Variants in DYSF observed in about 807,000 individuals in gnomAD.
DYSF encodes the protein dystrophy-associated fer-1-like 1.
Under a neutral mutation model 274.9 loss-of-function variants are expected in DYSF, and 212 were observed. The ratio of observed to expected loss-of-function variants is 0.77; its 90% CI spans 0.69 to 0.86. The LOEUF is 0.86. Among genes scored for constraint, DYSF ranks in the 40% least tolerant of loss-of-function variants. The pLI is 0.00. For synonymous variants in DYSF, 1,091 were observed against 1,078.7 expected, an observed-to-expected ratio of 1.01 and a Z score of -0.22; for missense variants, 2,666 against 2,783.2, an observed-to-expected ratio of 0.96 and a Z score of 0.95.
intron 51 of DYSF, among the ~76,000 whole-genome samples, chr2:71,670,011 G>A (rs1046049506): frequency 6.6e-6 from 1 of 152,130 alleles, no homozygotes; most frequent in African/African-American, 2.4e-5. Flanking sequence ...CACTACTGGT[G>A]TTATCACAAC....
intron 11 of DYSF, among the ~76,000 whole-genome samples, chr2:71,520,442 C>T (rs1247882206): frequency 6.6e-6 from 1 of 152,154 alleles, no homozygotes; most frequent in Non-Finnish European, 1.5e-5. Flanking sequence ...CTGAAAGGCC[C>T]CATTACTGGA....
At chr2:71,542,452 T>C (rs932731697) in intron 17 of DYSF, among the ~76,000 whole-genome samples, 2 of 151,522 alleles carry the variant, frequency 1.3e-5, no homozygotes, top group African/African-American at 4.9e-5. Context: ...AGGACAATAG[T>C]AGAGGGAAGG....
intron 20 of DYSF, 127 bp from the exon 21 acceptor site, chr2:71,553,680 C>T (rs1416118818): frequency 2.1e-5 from 25 of 1,218,308 alleles, no homozygotes; most frequent in Middle Eastern, 2.7e-4. Flanking sequence ...CTCTGTCCCA[C>T]GTGTGGTCCC....
chr2:71,664,410 C>T lies in DYSF; in HGVS notation c.5146C>T (p.Arg1716Cys), dbSNP rs771735871. Residue 1716 changes from arginine (R) to cysteine (C), a missense_variant, in exon 46 of 56, where the codon CGC (arginine) becomes TGC (cysteine). Physicochemically the swap from Arg to Cys is radical, Grantham distance 180 (BLOSUM62 -3). This residue lies in a region of DYSF where 1,460 missense variants were observed against 1,502.1 expected (regional missense o/e 0.97). Transcript: ENST00000410020. ...ENRLLSKFGA[R>C]CGLPQTYCVS... is the part of the protein sequence containing the mutation. ...CAGGCTGCTGTCCAAGTTTGGGGCT[C>T]GCTGTGGACTCCCACAGACCTACTG... 25 of 1,614,026 alleles carry T rather than the reference C, an allele frequency of 1.5e-5. No homozygotes were observed. Among genetic ancestry groups the T allele is most frequent in the South Asian group, 6.6e-5 (6 of 91,076 alleles).
rs192969907 is a variant in DYSF, at chr2:71,635,476, G to A, written c.4528-8489G>A. Among the ~76,000 whole-genome samples, 417 of 152,244 alleles carry A rather than the reference G, an allele frequency of 2.7e-3. 2 individuals are homozygous for A. The highest frequency in any genetic ancestry group is 0.02 in the Middle Eastern group (6 of 294). ...ACAAAAGATAAAGGGGGCTGGGTGC[G>A]GTGGCTCACGCCTGCAATCCCAGCA... is the stretch of plus-strand genomic sequence containing the variant. On this transcript the variant is annotated intron_variant, in intron 41 of 55. Coordinates refer to ENST00000410020, the MANE Select transcript of DYSF (RefSeq NM_001130987.2).
intron 17 of DYSF, among the ~76,000 whole-genome samples, chr2:71,547,004 C>T (rs185730234): frequency 7.9e-5 from 12 of 152,326 alleles, no homozygotes; most frequent in East Asian, 1.9e-4. Flanking sequence ...AGCTGGGCTT[C>T]GTTGCTCGGG....
At chr2:71,459,811 C>T (rs1268778452) in intron 1 of DYSF, among the ~76,000 whole-genome samples, 10 of 152,130 alleles carry the variant, frequency 6.6e-5, no homozygotes, top group African/African-American at 2.4e-4. Flanking sequence ...GCTCATCAGG[C>T]AGCACCTGTC....
At position 71,602,776 on chromosome 2, in the gene DYSF, G is replaced by C. The variant is rs367635287; in HGVS notation, c.3928G>C (p.Val1310Leu). 5 of 1,613,312 alleles carry C rather than the reference G, an allele frequency of 3.1e-6. No individual in the cohort carries two copies. Among genetic ancestry groups the C allele is most frequent in the Non-Finnish European group, 4.2e-6 (5 of 1,179,864 alleles). ...GCCACATCCCATGGCTGTGGGCCAG[G>C]TGCAGGAGACATCAAGGATCCTGGA... Reference protein sequence around the residue: ...PAIHHIPGFEVQETSRILDES... With the variant: ...PAIHHIPGFELQETSRILDES... Residue 1310 changes from valine (V) to leucine (L), a missense_variant and splice_region_variant, in exon 36 of 56, where the codon GTG becomes CTG. By Grantham distance (32) the Val-to-Leu change is conservative. Transcript: ENST00000410020.
chr2:71,658,176 A>G (rs1355581700), intron 43 of DYSF, among the ~76,000 whole-genome samples: 1 of 152,214 alleles, frequency 6.6e-6, no homozygotes, highest in African/African-American at 2.4e-5. Flanking sequence ...TTTCTAGGGC[A>G]GAGGCAAGAT....
intron 36 of DYSF, among the ~76,000 whole-genome samples, chr2:71,606,423 C>G (rs1032609426): frequency 6.6e-5 from 10 of 152,012 alleles, no homozygotes; most frequent in African/African-American, 2.4e-4. Flanking sequence ...GACAGTGAAT[C>G]AGGATGTTCT....
intron 22 of DYSF, among the ~76,000 whole-genome samples, chr2:71,559,605 C>G (rs1405678373): frequency 6.6e-6 from 1 of 152,248 alleles, no homozygotes; most frequent in Non-Finnish European, 1.5e-5. Context: ...TCAGCACCCC[C>G]ACCCCTACAG....
intron 55 of DYSF, among the ~76,000 whole-genome samples, chr2:71,684,867 A>T (rs7599752): frequency 0.2 from 30,102 of 152,226 alleles, 3,574 homozygotes; most frequent in Non-Finnish European, 0.26. Context: ...AAGGGGCTGC[A>T]CTAGGTTAGC....
rs545083188 is a variant in DYSF at position 71,631,868 on chromosome 2, C to G, written c.4527+11259C>G. Among the ~76,000 whole-genome samples the G allele has an allele frequency of 1.8e-4, 28 of 152,090 alleles. No individual in the cohort carries two copies. The East Asian group carries it at 5.4e-3, about 30-fold the overall frequency. On this transcript the variant is annotated intron_variant, in intron 41 of 55. Transcript: ENST00000410020. The stretch of plus-strand genomic sequence containing the variant: ...TCGCTGCACACTGCAGGGGGGACAG[C>G]CTGGGGTGAAACTTGTCTGGCAAAC...
chr2:71,600,474 G>A (rs940410464), intron 33 of DYSF, among the ~76,000 whole-genome samples: 4 of 152,180 alleles, frequency 2.6e-5, no homozygotes, highest in African/African-American at 4.8e-5. Context: ...GGGACTTCCC[G>A]ACCATGATGG....
chr2:71,463,681 C>A (rs1234802828), upstream of DYSF, among the ~76,000 whole-genome samples: 2 of 152,228 alleles, frequency 1.3e-5, no homozygotes, highest in African/African-American at 4.8e-5. Flanking sequence ...CTCAACTGGT[C>A]AGCAATTGGA....
At chr2:71,546,551 GT>G (rs1005321852) in intron 17 of DYSF, among the ~76,000 whole-genome samples, 1 of 152,170 alleles carries the variant, frequency 6.6e-6, no homozygotes, top group East Asian at 1.9e-4. Context: ...TAAGAATTTT[GT>G]TTTTTAAAAA....
intron 3 of DYSF, among the ~76,000 whole-genome samples, chr2:71,492,401 C>A (rs1558993192): frequency 6.6e-6 from 1 of 152,208 alleles, no homozygotes; most frequent in Non-Finnish European, 1.5e-5. Flanking sequence ...GGCTCTCTCA[C>A]TTTCCTGTCA....
At chr2:71,651,044 A>G (rs182894653) in intron 42 of DYSF, among the ~76,000 whole-genome samples, 50 of 152,340 alleles carry the variant, frequency 3.3e-4, no homozygotes, top group East Asian at 2.7e-3. Context: ...ATGCCAAGAC[A>G]TTAGTGAGCA....
chr2:71,565,246 C>CTTTTTTTTT (rs796705736), intron 24 of DYSF, among the ~76,000 whole-genome samples: 132 of 131,300 alleles, frequency 1.0e-3, no homozygotes, highest in African/African-American at 1.9e-3. Context: ...CCACCCAGCT[C>CTTTTTTTTT]TTTTTTTTTT....
Sources: allele counts gnomAD v4.1 joint callset (sites outside exome capture counted in the v4.1 genomes callset), GRCh38; gene constraint gnomAD v4.1.1; regional missense constraint gnomAD v4.1.1; transcripts MANE v1.5; gene names NCBI Gene and HGNC (gene_info 2026-07-23, HGNC 2026-07-21).